GBE1: variants seen among roughly 807,000 people sequenced by gnomAD.
GBE1 encodes 1,4-alpha-glucan-branching enzyme.
In GBE1, 70 loss-of-function variants were observed where a neutral mutation model predicts 88.8. That is an observed-to-expected ratio of 0.79 (90% CI 0.65 to 0.96). GBE1 has a LOEUF of 0.96. Among genes scored for constraint, GBE1 ranks in the 40% least tolerant of loss-of-function variants. GBE1 has a pLI of 0.00. For synonymous variants in GBE1, 284 were observed against 300.1 expected (o/e 0.95, Z 0.56); for missense variants, 872 against 871.0 (o/e 1.00, Z -0.01).
At chr3:81,490,557 C>T in intron 15 of GBE1, 94 bp from the exon 16 acceptor site, 1 of 987,588 alleles carries the variant, frequency 1.0e-6, no homozygotes, top group African/African-American at 1.6e-5. Flanking sequence ...AGTCTCACAT[C>T]TGCCTAAAGT....
intron 7 of GBE1, among the ~76,000 whole-genome samples, chr3:81,611,771 G>T (rs1163416746): frequency 6.6e-6 from 1 of 152,096 alleles, no homozygotes; most frequent in Non-Finnish European, 1.5e-5. Flanking sequence ...GATAAAGAGG[G>T]CATGTCAAAG....
chr3:81,559,533 T>G (rs950488576), intron 12 of GBE1, among the ~76,000 whole-genome samples: 2 of 151,996 alleles, frequency 1.3e-5, no homozygotes, highest in African/African-American at 4.8e-5. Context: ...GTTTATATGC[T>G]GTGGCACTCT....
intron 1 of GBE1, among the ~76,000 whole-genome samples, chr3:81,750,012 C>A (rs1706473477): frequency 6.6e-6 from 1 of 152,084 alleles, no homozygotes; most frequent in South Asian, 2.1e-4. Flanking sequence ...TAATTAAAGG[C>A]ACTTTGGAGA....
intron 14 of GBE1, among the ~76,000 whole-genome samples, chr3:81,518,192 G>C (rs1702823160): frequency 6.6e-6 from 1 of 151,320 alleles, no homozygotes. Context: ...CTCCAGAAGG[G>C]CAAGAAATAG....
chr3:81,514,365 T>G (rs528193696), intron 14 of GBE1, among the ~76,000 whole-genome samples: 129 of 151,462 alleles, frequency 8.5e-4, no homozygotes, highest in African/African-American at 3.1e-3. Context: ...ATATGTTAAT[T>G]AAATAATTTT....
intron 14 of GBE1, among the ~76,000 whole-genome samples, chr3:81,509,180 G>A (rs1485609359): frequency 6.6e-6 from 1 of 150,764 alleles, no homozygotes; most frequent in Non-Finnish European, 1.5e-5. Context: ...CTCTTTCTCT[G>A]TGTCTTTGTT....
At chr3:81,760,785 A>G (rs1706668689) in intron 1 of GBE1, among the ~76,000 whole-genome samples, 1 of 152,224 alleles carries the variant, frequency 6.6e-6, no homozygotes, top group Non-Finnish European at 1.5e-5. Flanking sequence ...TGTACATTTA[A>G]CTTCTCAATG....
intron 7 of GBE1, among the ~76,000 whole-genome samples, chr3:81,641,239 T>G (rs1333111708): frequency 6.6e-6 from 1 of 152,070 alleles, no homozygotes; most frequent in South Asian, 2.1e-4. Flanking sequence ...CAAAATAGAG[T>G]CAACCCTCCT....
At chr3:81,672,222 T>C (rs769406560) in intron 2 of GBE1, among the ~76,000 whole-genome samples, 11 of 152,014 alleles carry the variant, frequency 7.2e-5, no homozygotes, top group Non-Finnish European at 1.5e-4. Context: ...TGATGCGAAA[T>C]TGAAGATATC....
At position 81,666,597 on chromosome 3, in the gene GBE1, G is replaced by A. The variant is rs559741113; in HGVS notation, c.429+4241C>T. Among the ~76,000 whole-genome samples, 10 of 152,004 alleles carry A rather than the reference G, an allele frequency of 6.6e-5. No homozygotes were observed. The South Asian group carries it at 2.1e-3, about 32-fold the overall frequency. On this transcript the variant is annotated intron_variant, in intron 3 of 15. Transcript: ENST00000429644. ...ATTTCAAAGGAAAATCTATTCCAGA[G>A]AAAAATATTATTTTTCAATCTGTAA...
chr3:81,590,774 T>G (rs1312609052), intron 9 of GBE1, among the ~76,000 whole-genome samples: 1 of 152,112 alleles, frequency 6.6e-6, no homozygotes, highest in Non-Finnish European at 1.5e-5. Flanking sequence ...GTCCACTGAT[T>G]AGGACATTTA....
intron 14 of GBE1, among the ~76,000 whole-genome samples, chr3:81,517,370 T>C (rs913193132): frequency 1.3e-5 from 2 of 151,514 alleles, no homozygotes; most frequent in African/African-American, 4.8e-5. Context: ...GCACACTTAT[T>C]AGACTACAGT....
chr3:81,670,858 G>T lies in GBE1; in HGVS notation c.409C>A (p.Pro137Thr). 1 of 1,560,558 alleles carries T rather than the reference G, an allele frequency of 6.4e-7. No individual in the cohort carries two copies. Among genetic ancestry groups the T allele is most frequent in the South Asian group, 1.2e-5 (1 of 80,206 alleles). ...PPKQNKSVLV[P>T]HGSKLKVVIT... ...AGTACCTTTAATTTGGATCCATGAG[G>T]CACGAGTACAGATTTATTCTGCTTT... is the stretch of plus-strand genomic sequence containing the variant. The change falls in exon 3 of 16, where the codon CCT becomes ACT. Residue 137 changes from proline (P) to threonine (T), a missense_variant. Transcript: ENST00000429644.
chr3:81,751,517 T>C (rs3772886), intron 1 of GBE1, among the ~76,000 whole-genome samples: 19,312 of 152,204 alleles, frequency 0.13, 1,365 homozygotes, highest in Non-Finnish European at 0.17. Flanking sequence ...AAAGCTAACA[T>C]ATGCTTCACT....
intron 14 of GBE1, among the ~76,000 whole-genome samples, chr3:81,506,643 C>T (rs1702658368): frequency 6.6e-6 from 1 of 152,042 alleles, no homozygotes; most frequent in African/African-American, 2.4e-5. Context: ...GCACTATTCA[C>T]AATGGAAAAA....
intron 14 of GBE1, among the ~76,000 whole-genome samples, chr3:81,525,848 A>G (rs1488823343): frequency 6.6e-6 from 1 of 151,962 alleles, no homozygotes; most frequent in African/African-American, 2.4e-5. Context: ...CTCTGATGGT[A>G]GTTTGTATTT....
chr3:81,535,540 C>T (rs1319437168), intron 13 of GBE1, among the ~76,000 whole-genome samples: 5 of 151,968 alleles, frequency 3.3e-5, no homozygotes, highest in Admixed American at 3.3e-4. Context: ...AGCTCACCAG[C>T]CACTTGCTAC....
intron 9 of GBE1, among the ~76,000 whole-genome samples, chr3:81,588,776 C>G (rs1172691321): frequency 4.6e-5 from 7 of 152,108 alleles, no homozygotes; most frequent in Non-Finnish European, 8.8e-5. Context: ...ACTATATAAA[C>G]CTCTAATTTT....
In GBE1 at chr3:81,750,842, G is replaced by A. The variant is rs554795623; in HGVS notation, c.143+10533C>T. ...ACTATAGGTGCGTGCCACCACGCCC[G>A]GCTAATTTTTGTATTTTTAGTAGAG... On this transcript the variant is annotated intron_variant, in intron 1 of 15. Transcript: ENST00000429644. 1.8e-3 allele frequency among the ~76,000 whole-genome samples: 275 copies of A among 149,826 alleles called. 2 individuals are homozygous for A. Among genetic ancestry groups the A allele is most frequent in the Non-Finnish European group, 3.3e-3 (224 of 67,554 alleles).
Sources: gnomAD v4.1 joint callset for allele counts (sites outside exome capture counted in the v4.1 genomes callset) on GRCh38, gnomAD v4.1.1 for gene constraint, MANE v1.5 for transcripts, NCBI Gene and HGNC (gene_info 2026-07-23, HGNC 2026-07-21) for gene names.